MTCL3: variants seen among roughly 807,000 people sequenced by gnomAD.
MTCL3 encodes microtubule cross-linking factor 3.
the MTCL3 span, chr6:127,475,160 G>A: frequency 2.2e-6 from 2 of 891,596 alleles, no homozygotes; most frequent in Admixed American, 6.9e-5. This position sits in a 1 kb window ranked among gnomAD's most constrained non-coding sequence, Gnocchi z 7.3. Context: ...GGGGTTTCAG[G>A]CCCCAGCGCG....
the MTCL3 span, chr6:127,515,827 T>C: frequency 1.2e-6 from 2 of 1,610,986 alleles, no homozygotes; most frequent in Admixed American, 1.7e-5. The surrounding 1 kb of genome is among the most constrained non-coding windows in gnomAD (Gnocchi z 4.3). Flanking sequence ...CTTCTTGAGA[T>C]GGAACTGGAT....
the MTCL3 span, among the ~76,000 whole-genome samples, chr6:127,474,307 T>C: frequency 6.6e-6 from 1 of 152,280 alleles, no homozygotes; most frequent in Admixed American, 6.5e-5. Context: ...AGACAGAGTC[T>C]CACTCTGTCG....
the MTCL3 span, chr6:127,475,212 G>A: frequency 6.9e-7 from 1 of 1,446,082 alleles, no homozygotes; most frequent in Non-Finnish European, 9.3e-7. The surrounding 1 kb of genome is among the most constrained non-coding windows in gnomAD (Gnocchi z 7.3). Context: ...GCGGCAGTCC[G>A]GGCGCCGAGA....
At chr6:127,478,128 G>C in the MTCL3 span, among the ~76,000 whole-genome samples, 1 of 152,142 alleles carries the variant, frequency 6.6e-6, no homozygotes, top group Non-Finnish European at 1.5e-5. Context: ...AAGCTTTGAT[G>C]GAAGATTTTT....
the MTCL3 span, chr6:127,516,292 A>G: frequency 6.5e-7 from 1 of 1,548,876 alleles, no homozygotes. Context: ...TTTGGGCGCC[A>G]GGGGCGTCGC....
chr6:127,477,611 T>G, the MTCL3 span, among the ~76,000 whole-genome samples: 3 of 152,180 alleles, frequency 2.0e-5, no homozygotes, highest in African/African-American at 7.2e-5. Flanking sequence ...ATAATGAGCT[T>G]CTGCCAGAGA....
chr6:127,486,679 C>T, the MTCL3 span, among the ~76,000 whole-genome samples: 23 of 152,264 alleles, frequency 1.5e-4, no homozygotes, highest in Non-Finnish European at 3.1e-4. Context: ...CATTCCCAGC[C>T]TCAGCTTGTC....
the MTCL3 span, among the ~76,000 whole-genome samples, chr6:127,480,959 C>G: frequency 6.6e-6 from 1 of 152,096 alleles, no homozygotes; most frequent in Admixed American, 6.5e-5. Context: ...TCAAATGCTA[C>G]AGTATACTTA....
chr6:127,502,830 G>A, the MTCL3 span, among the ~76,000 whole-genome samples: 1 of 152,104 alleles, frequency 6.6e-6, no homozygotes, highest in Non-Finnish European at 1.5e-5. Flanking sequence ...CCTTTAAAAG[G>A]TGATTAAATT....
At chr6:127,497,907 A>G in the MTCL3 span, among the ~76,000 whole-genome samples, 1 of 152,198 alleles carries the variant, frequency 6.6e-6, no homozygotes, top group Non-Finnish European at 1.5e-5. Flanking sequence ...AAAAAGATGA[A>G]TTTAGACTCC....
the MTCL3 span, chr6:127,515,464 C>A: frequency 1.4e-6 from 2 of 1,400,036 alleles, no homozygotes; most frequent in Non-Finnish European, 9.3e-7. The surrounding 1 kb of genome is among the most constrained non-coding windows in gnomAD (Gnocchi z 4.3). Flanking sequence ...CCCTAATCCT[C>A]CCAGGCCCAC....
the MTCL3 span, chr6:127,516,086 C>G: frequency 6.7e-7 from 1 of 1,501,836 alleles, no homozygotes. Flanking sequence ...GAGCCGCCGC[C>G]GGCTCCTCCT....
At chr6:127,503,230 G>C in the MTCL3 span, among the ~76,000 whole-genome samples, 1 of 152,186 alleles carries the variant, frequency 6.6e-6, no homozygotes, top group South Asian at 2.1e-4. Flanking sequence ...AGACAGACTT[G>C]GGTGTGGGCC....
chr6:127,515,735 A>T, the MTCL3 span: 1 of 1,596,322 alleles, frequency 6.3e-7, no homozygotes, highest in African/African-American at 1.3e-5. The surrounding 1 kb of genome is among the most constrained non-coding windows in gnomAD (Gnocchi z 4.3). Context: ...GGGGGGCCAG[A>T]CACCGGGGAG....
chr6:127,516,373 T>TGCTGTTGCTGCTGCTGCA, the MTCL3 span: 3 of 1,600,648 alleles, frequency 1.9e-6, no homozygotes, highest in Non-Finnish European at 2.5e-6. Flanking sequence ...CTTGTTACCC[T>TGCTGTTGCTGCTGCTGCA]GCTGTTGCTG....
At chr6:127,475,960 C>T in the MTCL3 span, 1 of 1,611,746 alleles carries the variant, frequency 6.2e-7, no homozygotes, top group African/African-American at 1.3e-5. This position sits in a 1 kb window ranked among gnomAD's most constrained non-coding sequence, Gnocchi z 7.3. Flanking sequence ...GTGCCGCGCG[C>T]TGTCGTGGCC....
At chr6:127,492,769 G>C in the MTCL3 span, among the ~76,000 whole-genome samples, 1 of 152,120 alleles carries the variant, frequency 6.6e-6, no homozygotes, top group Non-Finnish European at 1.5e-5. Context: ...TGATCCACTC[G>C]CCTCGGCCTC....
At chr6:127,507,732 G>T in the MTCL3 span, among the ~76,000 whole-genome samples, 1 of 151,350 alleles carries the variant, frequency 6.6e-6, no homozygotes, top group Non-Finnish European at 1.5e-5. Context: ...AGTCCCAGCT[G>T]CTGGGGAGGC....
At chr6:127,515,983 C>T in the MTCL3 span, 2 of 1,592,890 alleles carry the variant, frequency 1.3e-6, no homozygotes, top group Non-Finnish European at 1.7e-6. This position sits in a 1 kb window ranked among gnomAD's most constrained non-coding sequence, Gnocchi z 4.3. Context: ...GGCCCCCTCC[C>T]CGCCGCTGCC....
Sources: gnomAD v4.1 joint callset for allele counts (sites outside exome capture counted in the v4.1 genomes callset) on GRCh38, gnomAD v4.1.1 for gene constraint, Gnocchi (gnomAD v3.1) non-coding constraint, MANE v1.5 for transcripts, NCBI Gene and HGNC (gene_info 2026-07-23, HGNC 2026-07-21) for gene names.